The following INTS11 variants were observed in gnomAD, a reference collection of about 807,000 sequenced individuals.
INTS11 encodes integrator complex subunit 11.
Under a neutral mutation model 78.6 loss-of-function variants are expected in INTS11, and 77 were observed. The ratio of observed to expected loss-of-function variants is 0.98; its 90% CI spans 0.81 to 1.18. The LOEUF is 1.18. Ranked by LOEUF, INTS11 falls within the 50% of genes most tolerant of loss-of-function variation. INTS11 has a pLI of 0.00. For synonymous variants in INTS11, 441 were observed against 326.9 expected (o/e 1.35, Z -3.77); for missense variants, 875 against 825.9 (o/e 1.06, Z -0.73).
At position 1,314,260 on chromosome 1, in the gene INTS11, G is replaced by T. The variant is rs558498490; in HGVS notation, c.767+41C>A. The T allele has an allele frequency of 2.6e-6, 4 of 1,539,092 alleles. No individual in the cohort carries two copies. Among genetic ancestry groups the T allele is most frequent in the Admixed American group, 1.9e-5 (1 of 51,774 alleles). ...CCACCAACTGGACTGTGTTCAGGCC[G>T]GGCCAGGGGCTCCTTAAAGAGCCGT... On this transcript the variant is annotated intron_variant, in intron 8 of 16. Coordinates refer to ENST00000435064, the MANE Select transcript of INTS11 (RefSeq NM_017871.6). This position sits in a 1 kb window ranked among gnomAD's most constrained non-coding sequence, Gnocchi z 4.2.
intron 3 of INTS11, chr1:1,320,169 A>G (rs1425793992): frequency 2.4e-6 from 1 of 412,546 alleles, no homozygotes; most frequent in Non-Finnish European, 4.5e-6. Context: ...CGCCAACAAG[A>G]CAGTGGGGTT....
At position 1,311,647 on chromosome 1, in the gene INTS11, C is replaced by T. The variant is rs1414860055; in HGVS notation, c.*212G>A. On this transcript the variant is annotated 3_prime_UTR_variant, in exon 17 of 17. Coordinates refer to ENST00000435064, the MANE Select transcript of INTS11 (RefSeq NM_017871.6). Reference sequence around the variant, plus strand: ...AAACTGCTGTCTAGGACCACCTGCCCTAACCAGGAATAAAGGCAAGACAGC... The same window carrying T: ...AAACTGCTGTCTAGGACCACCTGCCTTAACCAGGAATAAAGGCAAGACAGC... The T allele has an allele frequency of 8.4e-6, 6 of 710,950 alleles. No homozygotes were observed. The highest frequency in any genetic ancestry group is 1.5e-5 in the Non-Finnish European group (6 of 395,614). 44.0% of individuals were successfully genotyped at this position (710,950 alleles called of 1,614,324 possible).
In INTS11 at chr1:1,319,840, G is replaced by A. The variant is rs909268288; in HGVS notation, c.201-316C>T. 2.8e-5 allele frequency: 10 copies of A among 350,942 alleles called. No homozygotes were observed. The Admixed American group carries it at 4.1e-4, about 14-fold the overall frequency. The allele number at this position is 350,942 out of a possible 1,614,324, so 21.7% of individuals were successfully genotyped here. A position where few individuals can be genotyped will look rare whatever the true frequency, so the allele number is the denominator to read the frequency against. ...TTCAGGCAGTCAGGACAGGCTGAGT[G>A]GAGCTGCAGGTGAAGGTGGCACAGA... On this transcript the variant is annotated intron_variant, in intron 3 of 16. Transcript: ENST00000435064.
chr1:1,314,616 G>A lies in INTS11; in HGVS notation c.702+208C>T, dbSNP rs761788507. Reference sequence around the variant, plus strand: ...AAGGAGCCTGGCCAGGGCTTCGTCCGCACCTGAGGTAGGAGGGAAAAGGGG... The same window carrying A: ...AAGGAGCCTGGCCAGGGCTTCGTCCACACCTGAGGTAGGAGGGAAAAGGGG... On this transcript the variant is annotated intron_variant, in intron 7 of 16. Coordinates refer to ENST00000435064, the MANE Select transcript of INTS11 (RefSeq NM_017871.6). The surrounding 1 kb of genome is among the most constrained non-coding windows in gnomAD (Gnocchi z 4.2). 6.6e-5 allele frequency: 45 copies of A among 680,006 alleles called. 1 individual carries two copies. The highest frequency in any genetic ancestry group is 6.4e-4 in the South Asian group (32 of 50,204). 42.1% of individuals were successfully genotyped at this position (680,006 alleles called of 1,614,324 possible). A position where few individuals can be genotyped will look rare whatever the true frequency, so the allele number is the denominator to read the frequency against.
intron 1 of INTS11, chr1:1,321,892 C>CT: frequency 3.1e-6 from 4 of 1,310,610 alleles, no homozygotes; most frequent in Non-Finnish European, 4.0e-6. Context: ...CAGTTTTCCC[C>CT]TTGAATCCCA....
Position 1,312,025 on chromosome 1 carries a change from G to A in INTS11, c.1730C>T (p.Thr577Ile), listed in dbSNP as rs945284202. The A allele has an allele frequency of 1.9e-6, 3 of 1,578,540 alleles. No individual in the cohort carries two copies. Among genetic ancestry groups the A allele is most frequent in the South Asian group, 2.3e-5 (2 of 87,086 alleles). The change falls in exon 16 of 17, where the codon ACC becomes ATC. Residue 577 changes from threonine to isoleucine, a missense_variant. Thr to Ile is a moderately conservative substitution (Grantham distance 89, BLOSUM62 -1). Coordinates refer to ENST00000435064, the MANE Select transcript of INTS11 (RefSeq NM_017871.6). ...GTGGGGGTCACCCCTTACCTGGTAG[G>A]TCCAGGAGACCAGCAGCACCTTGGT... ...PGTKVLLVSW[T>I]YQDEELGSFL...
At chr1:1,320,855 C>A (rs1364064165) in intron 2 of INTS11, 141 bp downstream of exon 2, 1 of 845,160 alleles carries the variant, frequency 1.2e-6, no homozygotes, top group South Asian at 1.4e-5. Flanking sequence ...CAGGCCCACC[C>A]ATCCCTGCTC....
Position 1,324,645 on chromosome 1 carries a change from T to G in INTS11, c.-37A>C. 6 of 1,597,576 alleles carry G rather than the reference T, an allele frequency of 3.8e-6. No homozygotes were observed. Among genetic ancestry groups the G allele is most frequent in the Middle Eastern group, 1.7e-4 (1 of 5,996 alleles). On this transcript the variant is annotated 5_prime_UTR_variant, in exon 1 of 17. Coordinates refer to ENST00000435064, the MANE Select transcript of INTS11 (RefSeq NM_017871.6). ...CGCTCCCGGACCCGCGAGGCCCGCCTGCGGTGATGCACTGCGCAGGCGCAA... is the reference window on the plus strand; with the variant it reads ...CGCTCCCGGACCCGCGAGGCCCGCCGGCGGTGATGCACTGCGCAGGCGCAA...
chr1:1,323,712 G>A (rs1001720675), intron 1 of INTS11, among the ~76,000 whole-genome samples: 2 of 150,878 alleles, frequency 1.3e-5, no homozygotes, highest in South Asian at 4.2e-4. Flanking sequence ...TGCCCAGACT[G>A]TCAGGACTTT....
At chr1:1,313,450 T>G in intron 10 of INTS11, 59 bp downstream of exon 10, 3 of 1,578,588 alleles carry the variant, frequency 1.9e-6, no homozygotes, top group Non-Finnish European at 2.6e-6. Context: ...ACAGCATGGG[T>G]GGAAGGACAA....
Position 1,314,683 on chromosome 1 carries a change from A to G in INTS11, c.702+141T>C. 9.3e-7 allele frequency: 1 copy of G among 1,075,212 alleles called. No homozygotes were observed. Among genetic ancestry groups the G allele is most frequent in the Non-Finnish European group, 1.4e-6 (1 of 739,628 alleles). 66.6% of individuals were successfully genotyped at this position (1,075,212 alleles called of 1,614,324 possible). A position where few individuals can be genotyped will look rare whatever the true frequency, so the allele number is the denominator to read the frequency against. ...CTCTGAGTTTTCCTCCTCAATGTTGAGCAAATCTTCTTCCCTCCCTGCCTG... is the reference window on the plus strand; with the variant it reads ...CTCTGAGTTTTCCTCCTCAATGTTGGGCAAATCTTCTTCCCTCCCTGCCTG... On this transcript the variant is annotated intron_variant, in intron 7 of 16. Transcript: ENST00000435064. This position sits in a 1 kb window ranked among gnomAD's most constrained non-coding sequence, Gnocchi z 4.2.
Position 1,314,516 on chromosome 1 carries a change from CAGAGACAGAAGGGAGCCGTATG to C in INTS11, c.703-173_703-152del, listed in dbSNP as rs1642453305. The C allele has an allele frequency of 1.4e-6, 1 of 708,684 alleles. No homozygotes were observed. Among genetic ancestry groups the C allele is most frequent in the Non-Finnish European group, 2.3e-6 (1 of 429,272 alleles). 43.9% of individuals were successfully genotyped at this position (708,684 alleles called of 1,614,324 possible). On this transcript the variant is annotated intron_variant, in intron 7 of 16. Coordinates refer to ENST00000435064, the MANE Select transcript of INTS11 (RefSeq NM_017871.6). This position sits in a 1 kb window ranked among gnomAD's most constrained non-coding sequence, Gnocchi z 4.2. ...TCCCAGTCCCGTCCCAGCCGCTCTCCAGAGACAGAAGGGAGCCGTATGAGAGACAGGAGGGAGCCGCATGAGA... is the reference window on the plus strand; with the variant it reads ...TCCCAGTCCCGTCCCAGCCGCTCTCCAGAGACAGGAGGGAGCCGCATGAGA...
At chr1:1,315,342 C>G in intron 6 of INTS11, 62 bp downstream of exon 6, 3 of 1,599,060 alleles carry the variant, frequency 1.9e-6, no homozygotes, top group Non-Finnish European at 2.6e-6. Flanking sequence ...CACCCTGACA[C>G]CTGCAAGGGT....
Position 1,314,873 on chromosome 1 carries a change from T to C in INTS11, c.653A>G (p.Glu218Gly), listed in dbSNP as rs748154379. Residue 218 changes from glutamate to glycine, a missense_variant, in exon 7 of 17, where the codon GAG (glutamate) becomes GGG (glycine). Glu to Gly is a moderately conservative substitution (Grantham distance 98). Coordinates refer to ENST00000435064, the MANE Select transcript of INTS11 (RefSeq NM_017871.6). This position sits in a 1 kb window ranked among gnomAD's most constrained non-coding sequence, Gnocchi z 4.2. ...GTGGACTTTCTTCAGGAAGTCTCGC[T>C]CCCGGCAGCGCTTGGAGTCACGGAT... ...TTIRDSKRCR[E>G]RDFLKKVHET... is the part of the protein sequence containing the mutation. 18 of 1,612,688 alleles carry C rather than the reference T, an allele frequency of 1.1e-5. No homozygotes were observed. Among genetic ancestry groups the C allele is most frequent in the Non-Finnish European group, 1.4e-5 (16 of 1,179,852 alleles).
chr1:1,312,757 G>A (rs762369206), intron 12 of INTS11, 30 bp downstream of exon 12: 2 of 1,597,596 alleles, frequency 1.3e-6, no homozygotes, highest in African/African-American at 2.7e-5. Context: ...GACCCGAGGT[G>A]GGCCCCACGC....
Position 1,312,104 on chromosome 1 carries a change from C to T in INTS11, c.1651G>A (p.Val551Met). ...TGGAGGAGGACGGACTCCACAGTCA[C>T]AGAGCCGTCTGGGAGGTGCTGCACA... The part of the protein sequence containing the change: ...HCVQHLPDGS[V>M]TVESVLLQAA... Residue 551 changes from valine (V) to methionine (M), a missense_variant, in exon 16 of 17, where the codon GTG becomes ATG. Val to Met is a conservative substitution (Grantham distance 21). Transcript: ENST00000435064. 2 of 1,577,106 alleles carry T rather than the reference C, an allele frequency of 1.3e-6. No individual in the cohort carries two copies. The highest frequency in any genetic ancestry group is 1.7e-6 in the Non-Finnish European group (2 of 1,160,884).
intron 4 of INTS11, 44 bp from the exon 5 acceptor site, chr1:1,315,662 A>AGGGGCGGGGAGTGAGG (rs1642535865): frequency 1.0e-6 from 1 of 999,724 alleles, no homozygotes. Flanking sequence ...CTCACAGCAG[A>AGGGGCGGGGAGTGAGG]GGGGCGGGGA....
At chr1:1,313,456 G>C in intron 10 of INTS11, 53 bp downstream of exon 10, 2 of 1,592,170 alleles carry the variant, frequency 1.3e-6, no homozygotes, top group Non-Finnish European at 1.7e-6. Context: ...TGGGTGGAAG[G>C]ACAACCCGTC....
At chr1:1,312,548 C>G in intron 13 of INTS11, 45 bp downstream of exon 13, 2 of 1,578,540 alleles carry the variant, frequency 1.3e-6, no homozygotes, top group Admixed American at 1.8e-5. Context: ...CCGCTCCCAG[C>G]CGCCTGCCCC....
Sources: gnomAD v4.1 joint callset for allele counts (sites outside exome capture counted in the v4.1 genomes callset) on GRCh38, gnomAD v4.1.1 for gene constraint, Gnocchi (gnomAD v3.1) non-coding constraint, MANE v1.5 for transcripts, NCBI Gene and HGNC (gene_info 2026-07-23, HGNC 2026-07-21) for gene names.